CATSPER4: variants seen among roughly 807,000 people sequenced by gnomAD.
The protein encoded by CATSPER4 is cation channel sperm associated 4.
A neutral mutation model predicts 54.4 loss-of-function variants in CATSPER4; 46 were observed. The ratio of observed to expected loss-of-function variants is 0.84; its 90% CI spans 0.67 to 1.08. The LOEUF is 1.08. Among genes scored for constraint, CATSPER4 ranks in the 50% least tolerant of loss-of-function variants. The pLI, the probability that CATSPER4 is intolerant of heterozygous loss-of-function variation, is 0.00. For synonymous variants in CATSPER4, 230 were observed against 231.9 expected (o/e 0.99, Z 0.08); for missense variants, 574 against 612.8 (o/e 0.94, Z 0.67).
chr1:26,191,216 TA>T, intron 1 of CATSPER4, 70 bp from the exon 2 acceptor site: 1 of 1,588,702 alleles, frequency 6.3e-7, no homozygotes, highest in Non-Finnish European at 8.6e-7. Context: ...CCCCATTCTC[TA>T]AGAGCAAACC....
At chr1:26,198,453 C>T (rs747592188) in intron 6 of CATSPER4, 34 bp downstream of exon 6, 20 of 1,613,356 alleles carry the variant, frequency 1.2e-5, no homozygotes, top group Non-Finnish European at 1.7e-5. Flanking sequence ...CCTCATCCCA[C>T]CTATGGGGCA....
intron 3 of CATSPER4, among the ~76,000 whole-genome samples, chr1:26,197,388 G>C (rs896059315): frequency 2.0e-5 from 3 of 152,212 alleles, no homozygotes; most frequent in African/African-American, 7.2e-5. Flanking sequence ...AGGCTGTTTT[G>C]AGCATGCTTT....
chr1:26,201,405 G>A lies in CATSPER4; in HGVS notation c.1251G>A (p.Glu417=), dbSNP rs141342547. ...AIRFNQEQES[E]VLNRRSSTSG... ...GCTTCAACCAGGAGCAGGAGTCAGA[G>A]GTGTTGAACAGGCGCTCGTCGACGA... The change falls in exon 9 of 10, where the codon GAG becomes GAA. Residue 417 remains glutamate (E), a synonymous_variant. Coordinates refer to ENST00000456354, the MANE Select transcript of CATSPER4 (RefSeq NM_198137.2). The A allele has an allele frequency of 4.8e-3, 7,742 of 1,614,156 alleles. 45 individuals are homozygous for A. The highest frequency in any genetic ancestry group is 4.8e-3 in the Non-Finnish European group (5,627 of 1,180,026).
chr1:26,190,917 C>T (rs1411367009), intron 1 of CATSPER4, 77 bp downstream of exon 1: 3 of 1,383,868 alleles, frequency 2.2e-6, no homozygotes, highest in East Asian at 2.5e-5. Flanking sequence ...GGTAACTCTG[C>T]CCCTCTACCC....
intron 3 of CATSPER4, 59 bp downstream of exon 3, chr1:26,193,947 GC>G (rs1221399352): frequency 2.7e-6 from 3 of 1,124,166 alleles, no homozygotes; most frequent in Non-Finnish European, 4.1e-6. Flanking sequence ...CACCCAGTCT[GC>G]CCCTGTACTC....
At chr1:26,191,200 A>G in intron 1 of CATSPER4, 87 bp from the exon 2 acceptor site, 1 of 1,525,484 alleles carries the variant, frequency 6.6e-7, no homozygotes, top group Non-Finnish European at 9.0e-7. Flanking sequence ...AGTGGGCCCC[A>G]GGAACCCCCA....
At chr1:26,193,164 A>G (rs1286588089) in intron 2 of CATSPER4, among the ~76,000 whole-genome samples, 4 of 151,834 alleles carry the variant, frequency 2.6e-5, no homozygotes, top group African/African-American at 9.7e-5. Flanking sequence ...AGCCATAAGG[A>G]AGCTGAAGGA....
At chr1:26,196,161 T>TTC (rs55913978) in intron 3 of CATSPER4, among the ~76,000 whole-genome samples, 14 of 148,980 alleles carry the variant, frequency 9.4e-5, no homozygotes, top group Non-Finnish European at 1.9e-4. Flanking sequence ...TTTTTTTTTT[T>TTC]CTTTAGAGAT....
chr1:26,193,984 G>A, intron 3 of CATSPER4, 96 bp downstream of exon 3: 1 of 836,658 alleles, frequency 1.2e-6, no homozygotes, highest in South Asian at 1.3e-5. Context: ...GAGGGTGTGA[G>A]TATGTGTGTG....
chr1:26,202,406 T>G, intron 9 of CATSPER4, 83 bp from the exon 10 acceptor site: 1 of 1,239,266 alleles, frequency 8.1e-7, no homozygotes, highest in African/African-American at 1.5e-5. Flanking sequence ...CTGGGGAAGC[T>G]GGTGAGACTG....
Position 26,201,500 on chromosome 1 carries a change from C to A in CATSPER4, c.1346C>A (p.Ala449Glu). 3.1e-6 allele frequency: 5 copies of A among 1,613,956 alleles called. No homozygotes were observed. The highest frequency in any genetic ancestry group is 4.2e-6 in the Non-Finnish European group (5 of 1,179,946). Reference sequence around the variant, plus strand: ...TCTCAACAGCAAGACTTGCTCAGTGCGCTCGTTAGCATGGAAAAGGTGTGC... The same window carrying A: ...TCTCAACAGCAAGACTTGCTCAGTGAGCTCGTTAGCATGGAAAAGGTGTGC... ...QMSQQQDLLS[A>E]LVSMEKVHDS... Residue 449 changes from alanine (A) to glutamate (E), a missense_variant, in exon 9 of 10, where the codon GCG becomes GAG. Ala to Glu is a moderately radical substitution (Grantham distance 107). Coordinates refer to ENST00000456354, the MANE Select transcript of CATSPER4 (RefSeq NM_198137.2).
chr1:26,191,570 G>A, intron 2 of CATSPER4, 140 bp downstream of exon 2: 1 of 980,026 alleles, frequency 1.0e-6, no homozygotes, highest in Non-Finnish European at 1.6e-6. Context: ...TGACCTTCTA[G>A]GAATCTGGAG....
chr1:26,197,566 G>T, intron 3 of CATSPER4, 120 bp from the exon 4 acceptor site: 1 of 730,754 alleles, frequency 1.4e-6, no homozygotes, highest in South Asian at 1.5e-5. Context: ...GATGGCAGCT[G>T]ACTGGCCCTG....
intron 3 of CATSPER4, among the ~76,000 whole-genome samples, chr1:26,195,626 C>T (rs1384128440): frequency 1.3e-5 from 2 of 152,024 alleles, no homozygotes; most frequent in East Asian, 1.9e-4. Context: ...CTCAGCCTCC[C>T]GAGTAGCTGG....
At position 26,191,407 on chromosome 1, in the gene CATSPER4, C is replaced by T. The variant is rs769706025; in HGVS notation, c.334C>T (p.Arg112Cys). The change falls in exon 2 of 10, where the codon CGT becomes TGT. Residue 112 changes from arginine to cysteine, a missense_variant. Transcript: ENST00000456354. ...LVINAITIAL[R>C]TNSYLDQKHY... is the part of the protein sequence containing the mutation. ...GATCAATGCCATCACCATCGCTCTC[C>T]GTACCAACTCCTACCTGGACCAGGT... is the stretch of plus-strand genomic sequence containing the variant. The T allele has an allele frequency of 1.7e-5, 27 of 1,614,208 alleles. No individual in the cohort carries two copies. The highest frequency in any genetic ancestry group is 4.5e-5 in the East Asian group (2 of 44,888).
intron 1 of CATSPER4, 147 bp from the exon 2 acceptor site, chr1:26,191,140 A>G (rs569286251): frequency 3.3e-6 from 3 of 921,630 alleles, no homozygotes; most frequent in Admixed American, 2.1e-5. Context: ...TGATCTCTAC[A>G]CTGATGTCTC....
Position 26,190,709 on chromosome 1 carries a change from C to T in CATSPER4, c.82C>T (p.Arg28Cys), listed in dbSNP as rs200933844. The change falls in exon 1 of 10, where the codon CGT becomes TGT. Residue 28 changes from arginine (R) to cysteine (C), a missense_variant. Arg to Cys is a radical substitution (Grantham distance 180, BLOSUM62 -3). Coordinates refer to ENST00000456354, the MANE Select transcript of CATSPER4 (RefSeq NM_198137.2). ...GGGGTGGGGCGGGACTCAGGAGGAC[C>T]GTATGGGGTTTGGAGGGGCAGTAGC... ...LEGWGGTQED[R>C]MGFGGAVAAL... 8.1e-6 allele frequency: 13 copies of T among 1,613,176 alleles called. No homozygotes were observed. Among genetic ancestry groups the T allele is most frequent in the African/African-American group, 6.7e-5 (5 of 74,980 alleles).
Position 26,202,595 on chromosome 1 carries a change from C to T in CATSPER4, c.*53C>T. 6.6e-7 allele frequency: 1 copy of T among 1,522,008 alleles called. No homozygotes were observed. The highest frequency in any genetic ancestry group is 9.0e-7 in the Non-Finnish European group (1 of 1,107,162). The allele number at this position is 1,522,008 out of a possible 1,614,324, so 94.3% of individuals were successfully genotyped here. A position where few individuals can be genotyped will look rare whatever the true frequency, so the allele number is the denominator to read the frequency against. ...GCACACACACACCCAGCCGCTGCGT[C>T]TTCCTGTGTCCTTAGTGTGGCTTGG... is the stretch of plus-strand genomic sequence containing the variant. On this transcript the variant is annotated 3_prime_UTR_variant, in exon 10 of 10. Transcript: ENST00000456354.
Position 26,202,566 on chromosome 1 carries a change from G to T in CATSPER4, c.*24G>T. The T allele has an allele frequency of 1.9e-6, 3 of 1,603,312 alleles. No homozygotes were observed. Among genetic ancestry groups the T allele is most frequent in the Non-Finnish European group, 2.6e-6 (3 of 1,173,278 alleles). On this transcript the variant is annotated 3_prime_UTR_variant, in exon 10 of 10. Transcript: ENST00000456354. ...GAGAGGCCAGGATGGGAGCCAAGGG[G>T]CCTGCACACACACACCCAGCCGCTG...
Sources: allele counts gnomAD v4.1 joint callset (sites outside exome capture counted in the v4.1 genomes callset), GRCh38; gene constraint gnomAD v4.1.1; transcripts MANE v1.5; gene names NCBI Gene and HGNC (gene_info 2026-07-23, HGNC 2026-07-21).